GRM3: variants seen among roughly 807,000 people sequenced by gnomAD.
GRM3 encodes the protein metabotropic glutamate receptor 3.
A neutral mutation model predicts 70.5 loss-of-function variants in GRM3; 26 were observed. That is an observed-to-expected ratio of 0.37 (90% CI 0.27 to 0.51). The LOEUF is 0.51. Ranked by LOEUF, GRM3 falls within the 20% of genes least tolerant of loss-of-function variation. The pLI, the probability that GRM3 is intolerant of heterozygous loss-of-function variation, is 0.93. For synonymous variants in GRM3, 443 were observed against 434.9 expected, an observed-to-expected ratio of 1.02 and a Z score of -0.23; for missense variants, 859 against 1,123.8, an observed-to-expected ratio of 0.76 and a Z score of 3.37.
chr7:86,735,353 T>A (rs1795834410), intron 1 of GRM3, among the ~76,000 whole-genome samples: 1 of 152,020 alleles, frequency 6.6e-6, no homozygotes, highest in Non-Finnish European at 1.5e-5. Flanking sequence ...ATTTTTGAAG[T>A]CAGACAAAAA....
At chr7:86,806,471 G>C (rs910615838) in intron 3 of GRM3, among the ~76,000 whole-genome samples, 1 of 152,114 alleles carries the variant, frequency 6.6e-6, no homozygotes, top group Non-Finnish European at 1.5e-5. Context: ...TCTCATTGTG[G>C]TTTTGATTTG....
chr7:86,703,812 A>G (rs1254861108), intron 1 of GRM3, among the ~76,000 whole-genome samples: 1 of 151,946 alleles, frequency 6.6e-6, no homozygotes, highest in African/African-American at 2.4e-5. Context: ...AAAGCAAATG[A>G]AACAGTAAAA....
intron 1 of GRM3, among the ~76,000 whole-genome samples, chr7:86,684,448 A>C (rs1240027417): frequency 3.3e-5 from 5 of 152,202 alleles, no homozygotes. Context: ...AGAATAAACG[A>C]TTTAATGAAT....
chr7:86,798,846 C>A (rs1436944769), intron 3 of GRM3, among the ~76,000 whole-genome samples: 5 of 150,246 alleles, frequency 3.3e-5, no homozygotes, highest in Non-Finnish European at 5.9e-5. Flanking sequence ...GAATCATGGG[C>A]TGATGGTTTT....
In GRM3 at chr7:86,763,283, A is replaced by G. The variant is rs554323450; in HGVS notation, c.-140-1723A>G. On this transcript the variant is annotated intron_variant, in intron 1 of 5. Coordinates refer to ENST00000361669, the MANE Select transcript of GRM3 (RefSeq NM_000840.3). The stretch of plus-strand genomic sequence containing the variant: ...ACAGGCATGCTCAACTAGAACACAC[A>G]AGGGCATGTGGCTGCAACCTGTCAG... Among the ~76,000 whole-genome samples the G allele has an allele frequency of 3.3e-5, 5 of 152,252 alleles. No homozygotes were observed. The South Asian group carries it at 1.0e-3, about 32-fold the overall frequency.
intron 2 of GRM3, among the ~76,000 whole-genome samples, chr7:86,785,275 T>A (rs1424203146): frequency 6.6e-6 from 1 of 152,204 alleles, no homozygotes; most frequent in African/African-American, 2.4e-5. Context: ...AAGCTAATTA[T>A]TCAGTATGCA....
chr7:86,748,838 C>T (rs1167917745), intron 1 of GRM3, among the ~76,000 whole-genome samples: 1 of 152,038 alleles, frequency 6.6e-6, no homozygotes, highest in Non-Finnish European at 1.5e-5. Flanking sequence ...CTCCTTTTGG[C>T]TTACCCATGT....
intron 3 of GRM3, among the ~76,000 whole-genome samples, chr7:86,816,803 A>C (rs1798025609): frequency 6.6e-6 from 1 of 151,930 alleles, no homozygotes; most frequent in South Asian, 2.1e-4. Context: ...TCCTACCTTC[A>C]AGAATTTACA....
At chr7:86,711,060 G>A (rs1795187955) in intron 1 of GRM3, among the ~76,000 whole-genome samples, 1 of 152,060 alleles carries the variant, frequency 6.6e-6, no homozygotes, top group African/African-American at 2.4e-5. Flanking sequence ...TGTGGCCTTA[G>A]AGAAGTACTC....
chr7:86,703,255 G>C (rs995863733), intron 1 of GRM3, among the ~76,000 whole-genome samples: 6 of 151,810 alleles, frequency 4.0e-5, no homozygotes, highest in Admixed American at 6.6e-5. Flanking sequence ...GTTTTTATTG[G>C]TTAAGAACCA....
intron 1 of GRM3, among the ~76,000 whole-genome samples, chr7:86,649,073 A>G (rs999984005): frequency 6.6e-5 from 10 of 152,224 alleles, no homozygotes; most frequent in African/African-American, 2.2e-4. Context: ...GATTAGGTTA[A>G]GAAATCAAGG....
chr7:86,787,820 T>G (rs1797303675), intron 3 of GRM3, among the ~76,000 whole-genome samples: 1 of 152,236 alleles, frequency 6.6e-6, no homozygotes, highest in African/African-American at 2.4e-5. Flanking sequence ...AAAGGTGTAT[T>G]CAAAGTGAAA....
At chr7:86,698,901 T>C (rs1794889638) in intron 1 of GRM3, among the ~76,000 whole-genome samples, 1 of 151,986 alleles carries the variant, frequency 6.6e-6, no homozygotes, top group Non-Finnish European at 1.5e-5. Context: ...TAGAAAAACA[T>C]GGCCCCACTA....
chr7:86,819,051 C>T (rs1209176083), intron 3 of GRM3, among the ~76,000 whole-genome samples: 2 of 152,060 alleles, frequency 1.3e-5, no homozygotes, highest in East Asian at 1.9e-4. Context: ...AAGATGAATT[C>T]GCTTGTAAAA....
At position 86,864,306 on chromosome 7, in the gene GRM3, C is replaced by A; in HGVS notation, c.2591C>A (p.Thr864Lys). The change falls in exon 6 of 6, where the codon ACG (threonine) becomes AAG (lysine). Residue 864 changes from threonine to lysine, a missense_variant. Thr to Lys is a moderately conservative substitution (Grantham distance 78, BLOSUM62 -1). Coordinates refer to ENST00000361669, the MANE Select transcript of GRM3 (RefSeq NM_000840.3). ...GCCTCTGCAAGCACGTATGTGCCAA[C>A]GGTGTGCAATGGGCGGGAAGTCCTC... is the stretch of plus-strand genomic sequence containing the variant. The part of the protein sequence containing the change: ...SQSSASTYVP[T>K]VCNGREVLDS... The A allele has an allele frequency of 6.2e-7, 1 of 1,601,704 alleles. No homozygotes were observed. The highest frequency in any genetic ancestry group is 8.6e-7 in the Non-Finnish European group (1 of 1,168,860).
chr7:86,685,767 A>C (rs560087399), intron 1 of GRM3, among the ~76,000 whole-genome samples: 1 of 152,104 alleles, frequency 6.6e-6, no homozygotes, highest in South Asian at 2.1e-4. Flanking sequence ...TTAGCCGGGC[A>C]TGGTGGGGCG....
At chr7:86,811,853 A>G (rs545413606) in intron 3 of GRM3, among the ~76,000 whole-genome samples, 10 of 151,562 alleles carry the variant, frequency 6.6e-5, no homozygotes, top group African/African-American at 2.4e-4. Context: ...CCCTTCCTCA[A>G]CCTATTGTAC....
intron 3 of GRM3, among the ~76,000 whole-genome samples, chr7:86,816,714 T>A (rs1007520365): frequency 6.6e-6 from 1 of 151,986 alleles, no homozygotes; most frequent in Admixed American, 6.6e-5. Context: ...TTTTGGTTGA[T>A]TCCATGTCTT....
intron 3 of GRM3, among the ~76,000 whole-genome samples, chr7:86,799,178 G>A (rs1797624651): frequency 1.3e-5 from 2 of 152,136 alleles, no homozygotes; most frequent in South Asian, 4.1e-4. Context: ...GTATAGGAAT[G>A]CTTGTGATTT....
Sources: allele counts gnomAD v4.1 joint callset (sites outside exome capture counted in the v4.1 genomes callset), GRCh38; gene constraint gnomAD v4.1.1; transcripts MANE v1.5; gene names NCBI Gene and HGNC (gene_info 2026-07-23, HGNC 2026-07-21).